The following RNF180 variants were observed in gnomAD, a reference collection of about 807,000 sequenced individuals.
RNF180 encodes ring finger protein 180, also known as E3 ubiquitin-protein ligase RNF180.
Under a neutral mutation model 59.2 loss-of-function variants are expected in RNF180, and 38 were observed. That is an observed-to-expected ratio of 0.64 (90% CI 0.50 to 0.84). The LOEUF (loss-of-function observed/expected upper bound fraction) is 0.84, where lower values mean the gene tolerates loss of function less well. Among genes scored for constraint, RNF180 ranks in the 40% least tolerant of loss-of-function variants. The pLI is 0.00. For missense variants in RNF180, 705 were observed against 700.9 expected (o/e 1.01, Z -0.07); for synonymous variants, 262 against 240.3 (o/e 1.09, Z -0.84).
chr5:64,321,236 C>G (rs1464431402), intron 5 of RNF180, among the ~76,000 whole-genome samples: 7 of 152,020 alleles, frequency 4.6e-5, no homozygotes, highest in African/African-American at 4.8e-5. Context: ...ATCAAATTGT[C>G]GCTGTTGCAG....
chr5:64,247,108 T>C (rs1329129293), intron 5 of RNF180, among the ~76,000 whole-genome samples: 1 of 152,152 alleles, frequency 6.6e-6, no homozygotes, highest in Non-Finnish European at 1.5e-5. Context: ...TGATGGAACA[T>C]ATCTCAAAAT....
chr5:64,256,115 A>G (rs1743933172), intron 5 of RNF180, among the ~76,000 whole-genome samples: 1 of 151,932 alleles, frequency 6.6e-6, no homozygotes, highest in Admixed American at 6.6e-5. Context: ...TTGTCAGATG[A>G]GTAGATTGCA....
intron 5 of RNF180, among the ~76,000 whole-genome samples, chr5:64,242,885 T>TA (rs1218621688): frequency 6.6e-6 from 1 of 152,198 alleles, no homozygotes; most frequent in Non-Finnish European, 1.5e-5. Flanking sequence ...CCAACTGAGT[T>TA]ACCCAGTTCA....
intron 2 of RNF180, among the ~76,000 whole-genome samples, chr5:64,210,189 G>A (rs906612308): frequency 2.0e-5 from 3 of 152,102 alleles, no homozygotes; most frequent in African/African-American, 7.2e-5. Context: ...TGTCCCAGGA[G>A]TATAAATTTT....
At chr5:64,336,323 C>T (rs190248216) in intron 7 of RNF180, among the ~76,000 whole-genome samples, 1 of 152,260 alleles carries the variant, frequency 6.6e-6, no homozygotes, top group East Asian at 1.9e-4. Flanking sequence ...AGTGGTTATG[C>T]GTACCTCTAA....
At chr5:64,272,022 A>G (rs1021197489) in intron 5 of RNF180, among the ~76,000 whole-genome samples, 1 of 152,108 alleles carries the variant, frequency 6.6e-6, no homozygotes, top group East Asian at 1.9e-4. Flanking sequence ...AAAACTAACT[A>G]TTAAACACAT....
intron 7 of RNF180, among the ~76,000 whole-genome samples, chr5:64,339,195 A>G (rs1745258988): frequency 6.6e-6 from 1 of 151,532 alleles, no homozygotes; most frequent in Admixed American, 6.6e-5. Context: ...AAATTTGAGA[A>G]TTGTCTATTG....
chr5:64,217,613 T>C (rs1252648343), intron 5 of RNF180: 2 of 639,338 alleles, frequency 3.1e-6, no homozygotes, highest in Non-Finnish European at 4.4e-6. Context: ...GCTGAACATA[T>C]GTGCTTATTT....
At chr5:64,315,323 T>A (rs1174322327) in intron 5 of RNF180, among the ~76,000 whole-genome samples, 1 of 152,226 alleles carries the variant, frequency 6.6e-6, no homozygotes, top group African/African-American at 2.4e-5. Flanking sequence ...CAGATTTACT[T>A]TGTTCTTTTT....
In RNF180 at chr5:64,213,445, G is replaced by C. The variant is rs771473784; in HGVS notation, c.232-113G>C. On this transcript the variant is annotated intron_variant, in intron 3 of 7. Transcript: ENST00000389100. Reference sequence around the variant, plus strand: ...CTACTAATCAGAAAACAGAAAGCTAGCCTTTTCTGTGGCATAGAAAACTTT... The same window carrying C: ...CTACTAATCAGAAAACAGAAAGCTACCCTTTTCTGTGGCATAGAAAACTTT... 3 of 878,704 alleles carry C rather than the reference G, an allele frequency of 3.4e-6. No homozygotes were observed. In the South Asian group the frequency reaches 5.2e-5, roughly 15 times the overall value. 54.4% of individuals were successfully genotyped at this position (878,704 alleles called of 1,614,324 possible). A position where few individuals can be genotyped will look rare whatever the true frequency, so the allele number is the denominator to read the frequency against.
intron 7 of RNF180, among the ~76,000 whole-genome samples, chr5:64,352,238 C>T (rs1745844781): frequency 6.6e-6 from 1 of 151,996 alleles, no homozygotes; most frequent in Non-Finnish European, 1.5e-5. Flanking sequence ...TCTGTGGGAT[C>T]AGTGGTGATA....
chr5:64,179,799 T>C (rs1579937306), intron 1 of RNF180, among the ~76,000 whole-genome samples: 1 of 152,230 alleles, frequency 6.6e-6, no homozygotes, highest in South Asian at 2.1e-4. Flanking sequence ...TTTTATTTTA[T>C]CAGACATTAT....
At position 64,214,402 on chromosome 5, in the gene RNF180, A is replaced by T; in HGVS notation, c.1076A>T (p.His359Leu). The T allele has an allele frequency of 6.2e-7, 1 of 1,614,052 alleles. No homozygotes were observed. The highest frequency in any genetic ancestry group is 1.6e-4 in the Middle Eastern group (1 of 6,062). ...CACCTCTCCCCTCTGGACTTCCTGCACTCAGCCAATTTTTCATTGGGCAGC... is the reference window on the plus strand; with the variant it reads ...CACCTCTCCCCTCTGGACTTCCTGCTCTCAGCCAATTTTTCATTGGGCAGC... ...EEHLSPLDFLHSANFSLGSIN... is the reference protein window; with the variant it reads ...EEHLSPLDFLLSANFSLGSIN... Residue 359 changes from histidine to leucine, a missense_variant, in exon 4 of 8, where the codon CAC (histidine) becomes CTC (leucine). Physicochemically the swap from His to Leu is moderately conservative, Grantham distance 99 (BLOSUM62 -3). Transcript: ENST00000389100.
chr5:64,267,458 C>G (rs976181217), intron 5 of RNF180, among the ~76,000 whole-genome samples: 1 of 151,892 alleles, frequency 6.6e-6, no homozygotes, highest in Non-Finnish European at 1.5e-5. Flanking sequence ...CCCACTAATT[C>G]GTCATCTAGC....
chr5:64,244,068 G>A (rs942970205), intron 5 of RNF180, among the ~76,000 whole-genome samples: 5 of 152,100 alleles, frequency 3.3e-5, no homozygotes, highest in South Asian at 4.1e-4. Context: ...GGACGTTCAC[G>A]TAGAAACCCC....
In RNF180 at chr5:64,325,297, C is replaced by T. The variant is rs1315138560; in HGVS notation, c.1339C>T (p.Pro447Ser). 1 of 1,551,456 alleles carries T rather than the reference C, an allele frequency of 6.4e-7. No individual in the cohort carries two copies. The highest frequency in any genetic ancestry group is 1.2e-5 in the South Asian group (1 of 84,058). Residue 447 changes from proline to serine, a missense_variant, in exon 6 of 8, where the codon CCT (proline) becomes TCT (serine). Pro to Ser is a moderately conservative substitution (Grantham distance 74). Transcript: ENST00000389100. ...TTATTTCAACCCTTATATGTGTTACCCTTGCCATCACATCTTCTGTGAGCC... is the reference window on the plus strand; with the variant it reads ...TTATTTCAACCCTTATATGTGTTACTCTTGCCATCACATCTTCTGTGAGCC... Reference protein sequence around the residue: ...DVYFNPYMCYPCHHIFCEPCL... With the variant: ...DVYFNPYMCYSCHHIFCEPCL...
At chr5:64,192,752 G>A (rs1224524312) in intron 1 of RNF180, among the ~76,000 whole-genome samples, 1 of 151,590 alleles carries the variant, frequency 6.6e-6, no homozygotes, top group Non-Finnish European at 1.5e-5. Flanking sequence ...GCAATCCTAT[G>A]TCTGATGTAT....
At chr5:64,345,748 G>C (rs1274237298) in intron 7 of RNF180, among the ~76,000 whole-genome samples, 3 of 152,034 alleles carry the variant, frequency 2.0e-5, no homozygotes, top group Non-Finnish European at 4.4e-5. Context: ...TTAAGGATTG[G>C]ATAATTATCT....
At chr5:64,277,046 T>G (rs539830238) in intron 5 of RNF180, among the ~76,000 whole-genome samples, 9 of 152,128 alleles carry the variant, frequency 5.9e-5, no homozygotes, top group Admixed American at 1.3e-4. Context: ...GCCTTGGGTA[T>G]TCTTGCTATG....
Sources: allele counts gnomAD v4.1 joint callset (sites outside exome capture counted in the v4.1 genomes callset), GRCh38; gene constraint gnomAD v4.1.1; transcripts MANE v1.5; gene names NCBI Gene and HGNC (gene_info 2026-07-23, HGNC 2026-07-21).